Variants in HERC1 observed in about 807,000 individuals in gnomAD.
HERC1 encodes the protein probable E3 ubiquitin-protein ligase HERC1.
In HERC1, 160 loss-of-function variants were observed where a neutral mutation model predicts 554.3. The observed-to-expected ratio is 0.29, with a 90% CI of 0.25 to 0.33. The LOEUF is 0.33. Among genes scored for constraint, HERC1 ranks in the 10% least tolerant of loss-of-function variants. The pLI, the probability that HERC1 is intolerant of heterozygous loss-of-function variation, is 1.00. For missense variants in HERC1, 4,919 were observed against 5,918.5 expected (o/e 0.83, Z 5.54); for synonymous variants, 2,175 against 2,131.7 (o/e 1.02, Z -0.56).
intron 55 of HERC1, among the ~76,000 whole-genome samples, chr15:63,647,662 T>C (rs965326447): frequency 9.9e-5 from 15 of 152,220 alleles, no homozygotes; most frequent in African/African-American, 3.4e-4. Context: ...TGGAATACTA[T>C]GCAGCCATAA....
Position 63,612,512 on chromosome 15 carries a change from C to T in HERC1, c.14139G>A (p.Pro4713=), listed in dbSNP as rs149568447. The T allele has an allele frequency of 3.7e-5, 60 of 1,613,996 alleles. No individual in the cohort carries two copies. Among genetic ancestry groups the T allele is most frequent in the African/African-American group, 9.3e-5 (7 of 75,038 alleles). Residue 4713 remains proline (P), a synonymous_variant, in exon 77 of 78, where the codon CCG becomes CCA. Coordinates refer to ENST00000443617, the MANE Select transcript of HERC1 (RefSeq NM_003922.4). The surrounding 1 kb of genome is among the most constrained non-coding windows in gnomAD (Gnocchi z 5.0). ...REGMSWIVPV[P]LLSLLTAKQL... is the part of the protein sequence containing the mutation. ...GTTTTGCTGTGAGGAGGGACAGCAG[C>T]GGCACAGGAACAATCCAGGACATCC...
chr15:63,714,416 T>A (rs530312155), intron 22 of HERC1, among the ~76,000 whole-genome samples: 1 of 152,160 alleles, frequency 6.6e-6, no homozygotes, highest in Non-Finnish European at 1.5e-5. Context: ...GGAATACCCA[T>A]CTGATGCCAG....
intron 44 of HERC1, 71 bp from the exon 45 acceptor site, chr15:63,662,092 TTTATA>T: frequency 2.1e-6 from 3 of 1,399,760 alleles, no homozygotes; most frequent in South Asian, 2.7e-5. Context: ...AAGTAGATTA[TTTATA>T]TTAAATTACT....
rs2077624299 is a variant in HERC1 at position 63,819,864 on chromosome 15, T to A, written c.-27+13963A>T. On this transcript the variant is annotated intron_variant, in intron 1 of 77. Transcript: ENST00000443617. ...CAGTCTGCATCACTTTCTAGCTGCA[T>A]GATCTTAGGCAAGTTACTTAACCTC... Among the ~76,000 whole-genome samples, 3 of 152,230 alleles carry A rather than the reference T, an allele frequency of 2.0e-5. No homozygotes were observed. In the South Asian group the frequency reaches 6.2e-4, roughly 31 times the overall value.
At chr15:63,696,088 A>T in intron 27 of HERC1, 36 bp downstream of exon 27, 2 of 1,429,522 alleles carry the variant, frequency 1.4e-6, no homozygotes, top group Non-Finnish European at 2.0e-6. Flanking sequence ...GTAAAATGAC[A>T]GTTAAAATCT....
At position 63,737,505 on chromosome 15, in the gene HERC1, TCTTTTTTCCAG is replaced by T. The variant is rs1301973719; in HGVS notation, c.2521-2667_2521-2657del. On this transcript the variant is annotated intron_variant, in intron 12 of 77. Coordinates refer to ENST00000443617, the MANE Select transcript of HERC1 (RefSeq NM_003922.4). ...AGATATATATATATACATATATATATCTTTTTTCCAGATATATATATATATATATATATATA... is the reference window on the plus strand; with the variant it reads ...AGATATATATATATACATATATATATATATATATATATATATATATATATA... 2.0e-3 allele frequency among the ~76,000 whole-genome samples: 153 copies of T among 75,548 alleles called. 15 individuals are homozygous for T. The highest frequency in any genetic ancestry group is 7.9e-3 in the Middle Eastern group (1 of 126). The allele number at this position is 75,548 out of a possible 152,430, so 49.6% of individuals were successfully genotyped here.
chr15:63,672,248 T>C (rs1257785755), intron 39 of HERC1, among the ~76,000 whole-genome samples: 1 of 152,210 alleles, frequency 6.6e-6, no homozygotes, highest in Non-Finnish European at 1.5e-5. Context: ...GTTAGACTAC[T>C]TGCTGGTCAG....
intron 1 of HERC1, among the ~76,000 whole-genome samples, chr15:63,791,094 G>C (rs898707913): frequency 6.6e-6 from 1 of 152,128 alleles, no homozygotes; most frequent in Non-Finnish European, 1.5e-5. Flanking sequence ...GGTTTAATGG[G>C]TTTGTCCTTT....
intron 37 of HERC1, among the ~76,000 whole-genome samples, chr15:63,676,302 C>G (rs1198270954): frequency 6.6e-6 from 1 of 152,180 alleles, no homozygotes; most frequent in Non-Finnish European, 1.5e-5. Context: ...AAAGCTGTCA[C>G]TGGTTTCTTA....
At chr15:63,650,332 C>T (rs2069604063) in intron 53 of HERC1, among the ~76,000 whole-genome samples, 1 of 152,068 alleles carries the variant, frequency 6.6e-6, no homozygotes, top group Admixed American at 6.6e-5. Context: ...CGAGATCACG[C>T]CACTGCACTC....
chr15:63,818,442 A>T (rs1370950566), intron 1 of HERC1, among the ~76,000 whole-genome samples: 1 of 152,232 alleles, frequency 6.6e-6, no homozygotes, highest in East Asian at 1.9e-4. Flanking sequence ...GGTGATAAGG[A>T]GGCAGTACAA....
At chr15:63,631,080 A>G (rs2068530269) in intron 68 of HERC1, among the ~76,000 whole-genome samples, 1 of 152,138 alleles carries the variant, frequency 6.6e-6, no homozygotes, top group Non-Finnish European at 1.5e-5. Context: ...TCGGGTTTAA[A>G]TGATCCTCCT....
intron 1 of HERC1, among the ~76,000 whole-genome samples, chr15:63,799,476 G>A (rs1314095654): frequency 6.6e-6 from 1 of 151,626 alleles, no homozygotes; most frequent in Non-Finnish European, 1.5e-5. Context: ...CTCTAGCCTG[G>A]GTGATAGAGC....
At chr15:63,729,022 C>T (rs2074159934) in intron 16 of HERC1, among the ~76,000 whole-genome samples, 1 of 151,914 alleles carries the variant, frequency 6.6e-6, no homozygotes, top group Non-Finnish European at 1.5e-5. Context: ...TCATCCAGTG[C>T]CTTTAAATTA....
chr15:63,656,381 CAGAT>C, intron 48 of HERC1, 23 bp from the exon 49 acceptor site: 1 of 1,593,274 alleles, frequency 6.3e-7, no homozygotes, highest in Middle Eastern at 1.7e-4. Flanking sequence ...AAAAACATCT[CAGAT>C]GGATAAAGAA....
Position 63,616,457 on chromosome 15 carries a change from A to C in HERC1, c.13914T>G (p.Ser4638Arg). ...TLNSILHIED[S>R]GITEESFHEM... ...CATGGAAACTCTCCTCGGTAATCCC[A>C]CTGTCTTCAATGTGAAGAATGCTGT... The change falls in exon 75 of 78, where the codon AGT (serine) becomes AGG (arginine). Residue 4638 changes from serine to arginine, a missense_variant. Physicochemically the swap from Ser to Arg is moderately radical, Grantham distance 110. Coordinates refer to ENST00000443617, the MANE Select transcript of HERC1 (RefSeq NM_003922.4). The C allele has an allele frequency of 6.2e-7, 1 of 1,613,902 alleles. No homozygotes were observed. Among genetic ancestry groups the C allele is most frequent in the Non-Finnish European group, 8.5e-7 (1 of 1,179,840 alleles).
chr15:63,725,816 C>T (rs970854082), intron 17 of HERC1, among the ~76,000 whole-genome samples: 2 of 152,130 alleles, frequency 1.3e-5, no homozygotes, highest in African/African-American at 4.8e-5. Flanking sequence ...ATTACCCAGA[C>T]CAAAATTCAC....
In HERC1 at chr15:63,752,760, T is replaced by C. The variant is rs187363629; in HGVS notation, c.1902+198A>G. On this transcript the variant is annotated intron_variant, in intron 8 of 77. Coordinates refer to ENST00000443617, the MANE Select transcript of HERC1 (RefSeq NM_003922.4). ...AGAACAGAGGCTCCACTAAGATTTA[T>C]CTGGGTCACATATGCCAGGTTAGAA... The C allele has an allele frequency of 6.1e-5, 29 of 474,280 alleles. No individual in the cohort carries two copies. The Admixed American group carries it at 8.9e-4, about 15-fold the overall frequency. The allele number at this position is 474,280 out of a possible 1,614,324, so 29.4% of individuals were successfully genotyped here.
At chr15:63,766,914 G>A (rs1322020857) in intron 2 of HERC1, among the ~76,000 whole-genome samples, 1 of 152,052 alleles carries the variant, frequency 6.6e-6, no homozygotes, top group East Asian at 1.9e-4. Flanking sequence ...CCAACCCCAG[G>A]TGATCTGCCC....
Sources: allele counts gnomAD v4.1 joint callset (sites outside exome capture counted in the v4.1 genomes callset), GRCh38; gene constraint gnomAD v4.1.1; non-coding constraint Gnocchi (gnomAD v3.1); transcripts MANE v1.5; gene names NCBI Gene and HGNC (gene_info 2026-07-23, HGNC 2026-07-21).